The following CCDC171 variants were observed in gnomAD, a reference collection of about 807,000 sequenced individuals.
CCDC171 encodes the protein coiled-coil domain-containing protein 171.
CCDC171 carries 177 observed loss-of-function variants against 168.2 expected under a neutral mutation model. The observed-to-expected ratio is 1.05, with a 90% CI of 0.93 to 1.19. The LOEUF (loss-of-function observed/expected upper bound fraction) is 1.19. Among genes scored for constraint, CCDC171 ranks in the 50% most tolerant of loss-of-function variants. The pLI is 0.00. For missense variants in CCDC171, 1,991 were observed against 1,539.0 expected (o/e 1.29, Z -4.91); for synonymous variants, 687 against 540.8 (o/e 1.27, Z -3.75).
intron 1 of CCDC171, among the ~76,000 whole-genome samples, chr9:16,043,821 G>C (rs370191202): frequency 2.5e-4 from 38 of 152,264 alleles, no homozygotes; most frequent in African/African-American, 7.9e-4. Flanking sequence ...CTTACTACAG[G>C]GCCCTTAGGA....
chr9:15,895,287 C>T (rs1328424818), intron 24 of CCDC171, among the ~76,000 whole-genome samples: 1 of 152,078 alleles, frequency 6.6e-6, no homozygotes, highest in African/African-American at 2.4e-5. Flanking sequence ...GAATGGCTGC[C>T]TTTTGAGTGA....
intron 23 of CCDC171, among the ~76,000 whole-genome samples, chr9:15,872,506 C>A (rs979844152): frequency 6.6e-6 from 1 of 151,976 alleles, no homozygotes; most frequent in African/African-American, 2.4e-5. Flanking sequence ...TTTTTCCCCT[C>A]TCTTTGCCCG....
At chr9:15,963,022 G>C (rs73411564) in intron 25 of CCDC171, among the ~76,000 whole-genome samples, 2,081 of 151,760 alleles carry the variant, frequency 0.014, 57 homozygotes, top group African/African-American at 0.048. Context: ...TGTATTATAT[G>C]GTTGTCATAC....
chr9:15,962,091 G>A (rs1830399887), intron 25 of CCDC171, among the ~76,000 whole-genome samples: 1 of 152,108 alleles, frequency 6.6e-6, no homozygotes, highest in Admixed American at 6.6e-5. Flanking sequence ...CATAAATAAA[G>A]TTATATTGGA....
At position 15,644,605 on chromosome 9, in the gene CCDC171, T is replaced by G. The variant is rs192864659; in HGVS notation, c.823-12522T>G. Among the ~76,000 whole-genome samples, 386 of 152,348 alleles carry G rather than the reference T, an allele frequency of 2.5e-3. 3 individuals are homozygous for G. The highest frequency in any genetic ancestry group is 3.4e-3 in the Middle Eastern group (1 of 294). ...ACACCAGGAGATTATATCCCGCACCTGGCTCGGAGAGTCCCATGCCCACGG... is the reference window on the plus strand; with the variant it reads ...ACACCAGGAGATTATATCCCGCACCGGGCTCGGAGAGTCCCATGCCCACGG... On this transcript the variant is annotated intron_variant, in intron 7 of 25. Coordinates refer to ENST00000380701, the MANE Select transcript of CCDC171 (RefSeq NM_173550.4).
intron 18 of CCDC171, among the ~76,000 whole-genome samples, chr9:15,758,285 A>G (rs2056248115): frequency 6.6e-6 from 1 of 152,174 alleles, no homozygotes; most frequent in Non-Finnish European, 1.5e-5. Context: ...TGGATATGAG[A>G]CCTGGAGTCA....
intron 6 of CCDC171, among the ~76,000 whole-genome samples, chr9:15,597,626 C>T (rs1239336631): frequency 2.0e-5 from 3 of 152,186 alleles, no homozygotes; most frequent in Non-Finnish European, 4.4e-5. Flanking sequence ...TGTGTCTCTG[C>T]CAGGCTTTCC....
chr9:15,572,769 A>G (rs1367877501), intron 3 of CCDC171, among the ~76,000 whole-genome samples: 1 of 151,764 alleles, frequency 6.6e-6, no homozygotes, highest in African/African-American at 2.4e-5. Flanking sequence ...TAGTTTGTAA[A>G]CCCCCTGAGA....
chr9:15,904,910 C>T (rs1458227513), intron 24 of CCDC171, among the ~76,000 whole-genome samples: 4 of 151,160 alleles, frequency 2.6e-5, no homozygotes, highest in Non-Finnish European at 5.9e-5. Flanking sequence ...CAACAAAGAT[C>T]AAAAGAGACA....
intron 11 of CCDC171, among the ~76,000 whole-genome samples, chr9:15,700,287 C>G (rs1465728464): frequency 6.6e-6 from 1 of 152,272 alleles, no homozygotes; most frequent in African/African-American, 2.4e-5. Flanking sequence ...GGCCCGGGTG[C>G]TAAGCCCCTC....
At chr9:15,928,192 A>G (rs923701799) in intron 25 of CCDC171, among the ~76,000 whole-genome samples, 2 of 151,734 alleles carry the variant, frequency 1.3e-5, no homozygotes, top group African/African-American at 4.8e-5. Flanking sequence ...GGAGAATACA[A>G]CCATTGTACA....
intron 21 of CCDC171, among the ~76,000 whole-genome samples, chr9:15,838,101 C>T (rs1217835665): frequency 5.9e-5 from 9 of 151,806 alleles, no homozygotes; most frequent in Non-Finnish European, 2.9e-5. Flanking sequence ...ATTCATATAC[C>T]TTGTAGGATT....
intron 23 of CCDC171, among the ~76,000 whole-genome samples, chr9:15,857,528 T>C (rs1482270317): frequency 6.6e-6 from 1 of 151,980 alleles, no homozygotes; most frequent in African/African-American, 2.4e-5. Context: ...GTTCAAGTGA[T>C]TCTCGTTCCT....
intron 7 of CCDC171, among the ~76,000 whole-genome samples, chr9:15,656,778 A>G (rs1335239432): frequency 6.6e-6 from 1 of 152,160 alleles, no homozygotes; most frequent in Non-Finnish European, 1.5e-5. Context: ...AGACATAAGG[A>G]ATCTTTTAAG....
intron 24 of CCDC171, among the ~76,000 whole-genome samples, chr9:15,899,763 A>G (rs961027568): frequency 1.3e-5 from 2 of 152,168 alleles, no homozygotes; most frequent in African/African-American, 2.4e-5. Context: ...TCTAGAAACT[A>G]TCAGATGTGT....
intron 10 of CCDC171, among the ~76,000 whole-genome samples, chr9:15,690,390 T>A (rs2050702793): frequency 6.6e-6 from 1 of 152,160 alleles, no homozygotes; most frequent in African/African-American, 2.4e-5. Flanking sequence ...TCAGTATGTA[T>A]GAGAATTTAG....
Position 15,817,874 on chromosome 9 carries a change from C to G in CCDC171, c.3268-28828C>G, listed in dbSNP as rs529506831. Among the ~76,000 whole-genome samples, 6 of 118,552 alleles carry G rather than the reference C, an allele frequency of 5.1e-5. 1 individual carries two copies. In the South Asian group the frequency reaches 1.7e-3, roughly 33 times the overall value. 77.8% of individuals were successfully genotyped at this position (118,552 alleles called of 152,430 possible). A position where few individuals can be genotyped will look rare whatever the true frequency, so the allele number is the denominator to read the frequency against. The stretch of plus-strand genomic sequence containing the variant: ...GTTCTCCCAGCACACAGCTTGAGAT[C>G]TGAGAACGGGCAGACTGCCTCCTCA... On this transcript the variant is annotated intron_variant, in intron 21 of 25. Transcript: ENST00000380701.
chr9:15,784,462 A>G, intron 20 of CCDC171, 47 bp from the exon 21 acceptor site: 1 of 1,275,536 alleles, frequency 7.8e-7, no homozygotes, highest in Middle Eastern at 1.9e-4. Flanking sequence ...TGATACAACA[A>G]TGCAGTTAGC....
chr9:15,642,289 G>GTA (rs1308404429), intron 7 of CCDC171, among the ~76,000 whole-genome samples: 109 of 139,148 alleles, frequency 7.8e-4, no homozygotes, highest in Middle Eastern at 3.9e-3. Context: ...ATGTGTGTGT[G>GTA]TATATATATA....
Sources: gnomAD v4.1 joint callset for allele counts (sites outside exome capture counted in the v4.1 genomes callset) on GRCh38, gnomAD v4.1.1 for gene constraint, MANE v1.5 for transcripts, NCBI Gene and HGNC (gene_info 2026-07-23, HGNC 2026-07-21) for gene names.